GLRA2: variants seen among roughly 807,000 people sequenced by gnomAD.
GLRA2 encodes the protein glycine receptor subunit alpha-2.
Under a neutral mutation model 31.6 loss-of-function variants are expected in GLRA2, and 11 were observed. The observed-to-expected ratio is 0.35, with a 90% CI of 0.22 to 0.58. GLRA2 has a LOEUF of 0.58. GLRA2 is among the 20% of genes least tolerant of loss of function. GLRA2 has a pLI of 0.84. For synonymous variants in GLRA2, 132 were observed against 134.0 expected, an observed-to-expected ratio of 0.99 and a Z score of 0.10; for missense variants, 212 against 351.8, an observed-to-expected ratio of 0.60 and a Z score of 3.18.
intron 7 of GLRA2, among the ~76,000 whole-genome samples, chrX:14,624,118 T>G (rs1213334069): frequency 2.4e-4 from 27 of 111,997 alleles, no homozygotes; most frequent in African/African-American, 8.4e-4. Flanking sequence ...TTCTTCTAGA[T>G]TTTCTAGTTT....
chrX:14,586,113 C>G (rs183300080), intron 4 of GLRA2, among the ~76,000 whole-genome samples: 2 of 111,248 alleles, frequency 1.8e-5, no homozygotes, highest in Non-Finnish European at 3.8e-5. Flanking sequence ...ATAACAAGCA[C>G]GATCACCTTT....
At chrX:14,501,557 C>T in the GLRA2 span, among the ~76,000 whole-genome samples, 1 of 111,421 alleles carries the variant, frequency 9.0e-6, no homozygotes, top group Non-Finnish European at 1.9e-5. Flanking sequence ...TTGGCTTTGG[C>T]TCAAGATCCA....
intron 7 of GLRA2, among the ~76,000 whole-genome samples, chrX:14,661,070 G>A (rs1409709193): frequency 9.1e-6 from 1 of 109,988 alleles, no homozygotes; most frequent in Non-Finnish European, 1.9e-5. Flanking sequence ...TAATAACACT[G>A]TGTTTTGCTG....
intron 7 of GLRA2, among the ~76,000 whole-genome samples, chrX:14,615,644 T>C (rs2090446451): frequency 9.0e-6 from 1 of 110,684 alleles, no homozygotes; most frequent in Non-Finnish European, 1.9e-5. Flanking sequence ...ACGAGGCATA[T>C]TAAGTAGGTG....
chrX:14,466,895 G>C, the GLRA2 span, among the ~76,000 whole-genome samples: 3 of 111,929 alleles, frequency 2.7e-5, no homozygotes, highest in Non-Finnish European at 3.8e-5. Context: ...ACACTCTGCT[G>C]TGCATGCTAA....
the GLRA2 span, among the ~76,000 whole-genome samples, chrX:14,513,059 A>G: frequency 8.9e-6 from 1 of 112,130 alleles, no homozygotes; most frequent in African/African-American, 3.2e-5. Context: ...GCACTGGTCT[A>G]AAACTAGGCA....
chrX:14,471,711 A>G, the GLRA2 span, among the ~76,000 whole-genome samples: 1 of 112,420 alleles, frequency 8.9e-6, no homozygotes, highest in Non-Finnish European at 1.9e-5. Context: ...TTTGTCCCAT[A>G]GTCTAATTTG....
At chrX:14,654,773 T>C (rs1191709419) in intron 7 of GLRA2, among the ~76,000 whole-genome samples, 1 of 111,587 alleles carries the variant, frequency 9.0e-6, no homozygotes, top group Non-Finnish European at 1.9e-5. Context: ...CAAGACTGGG[T>C]AATTTATAAA....
chrX:14,496,557 T>C, the GLRA2 span, among the ~76,000 whole-genome samples: 1 of 112,070 alleles, frequency 8.9e-6, no homozygotes, highest in African/African-American at 3.2e-5. Flanking sequence ...TAGCTGACCC[T>C]GCTTTCCAAC....
At chrX:14,615,583 C>A (rs1325828698) in intron 7 of GLRA2, among the ~76,000 whole-genome samples, 1 of 110,752 alleles carries the variant, frequency 9.0e-6, no homozygotes, top group Non-Finnish European at 1.9e-5. Context: ...GTAGAGAGAG[C>A]AGGAGCAGAT....
the GLRA2 span, among the ~76,000 whole-genome samples, chrX:14,474,408 G>T: frequency 9.0e-6 from 1 of 111,539 alleles, no homozygotes; most frequent in African/African-American, 3.3e-5. Flanking sequence ...TTGAGTAGGG[G>T]CTGAACTCTA....
At chrX:14,693,330 T>C (rs968723477) in intron 8 of GLRA2, among the ~76,000 whole-genome samples, 2 of 111,953 alleles carry the variant, frequency 1.8e-5, no homozygotes, top group African/African-American at 6.5e-5. Context: ...TTTAGCTCCA[T>C]TAATATTAGA....
chrX:14,681,935 A>ATATATATATATATGTATG (rs2091215436), intron 7 of GLRA2, among the ~76,000 whole-genome samples: 7 of 77,424 alleles, frequency 9.0e-5, no homozygotes, highest in Admixed American at 1.5e-4. Flanking sequence ...ATATATGTAT[A>ATATATATATATATGTATG]TATATGTGTG....
chrX:14,533,957 A>AT (rs2089289771), intron 2 of GLRA2, among the ~76,000 whole-genome samples: 1 of 111,658 alleles, frequency 9.0e-6, no homozygotes, highest in Non-Finnish European at 1.9e-5. Flanking sequence ...TCAAGTTTAC[A>AT]AGCATCTTCT....
intron 7 of GLRA2, among the ~76,000 whole-genome samples, chrX:14,613,057 CTAAGTT>C (rs1324977761): frequency 1.8e-5 from 2 of 111,360 alleles, no homozygotes; most frequent in African/African-American, 6.5e-5. Context: ...CTCAACCTCT[CTAAGTT>C]TGTTTCATCA....
intron 7 of GLRA2, among the ~76,000 whole-genome samples, chrX:14,646,704 A>C (rs2090835525): frequency 8.9e-6 from 1 of 112,043 alleles, no homozygotes; most frequent in Admixed American, 9.5e-5. Context: ...TGGGATGTGC[A>C]GGTAGACATA....
chrX:14,553,337 C>G (rs2089593743), intron 2 of GLRA2, among the ~76,000 whole-genome samples: 1 of 111,795 alleles, frequency 8.9e-6, no homozygotes, highest in African/African-American at 3.2e-5. Context: ...TATCTTCCCC[C>G]TCCTCTGCAC....
At chrX:14,498,763 C>G in the GLRA2 span, among the ~76,000 whole-genome samples, 3 of 111,196 alleles carry the variant, frequency 2.7e-5, no homozygotes, top group African/African-American at 6.5e-5. Flanking sequence ...TTCATTTCCC[C>G]CCACCCTGTA....
intron 3 of GLRA2, among the ~76,000 whole-genome samples, chrX:14,579,369 G>C (rs1269998500): frequency 9.2e-6 from 1 of 108,411 alleles, no homozygotes; most frequent in Non-Finnish European, 1.9e-5. Flanking sequence ...TCCCTCTGTT[G>C]CCCAGGCTGG....
Sources: gnomAD v4.1 joint callset for allele counts (sites outside exome capture counted in the v4.1 genomes callset) on GRCh38, gnomAD v4.1.1 for gene constraint, MANE v1.5 for transcripts, NCBI Gene and HGNC (gene_info 2026-07-23, HGNC 2026-07-21) for gene names.